TVP23A: variants seen among roughly 807,000 people sequenced by gnomAD.
TVP23A encodes trans-golgi network vesicle protein 23 homolog A, also known as Golgi apparatus membrane protein TVP23 homolog A.
Under a neutral mutation model 31.7 loss-of-function variants are expected in TVP23A, and 21 were observed. That is an observed-to-expected ratio of 0.66 (90% CI 0.47 to 0.95). The LOEUF (loss-of-function observed/expected upper bound fraction) is 0.95. Among genes scored for constraint, TVP23A ranks in the 40% least tolerant of loss-of-function variants. The pLI, the probability that TVP23A is intolerant of heterozygous loss-of-function variation, is 0.00. For synonymous variants in TVP23A, 104 were observed against 96.0 expected, an observed-to-expected ratio of 1.08 and a Z score of -0.49; for missense variants, 279 against 255.6, an observed-to-expected ratio of 1.09 and a Z score of -0.62.
chr16:10,798,162 T>A (rs1475552686), intron 2 of TVP23A, among the ~76,000 whole-genome samples: 1 of 151,846 alleles, frequency 6.6e-6, no homozygotes, highest in Non-Finnish European at 1.5e-5. Context: ...GGTTTCACCA[T>A]GTTAGCCAGG....
intron 2 of TVP23A, among the ~76,000 whole-genome samples, chr16:10,781,239 G>C (rs1235582771): frequency 6.6e-6 from 1 of 151,946 alleles, no homozygotes; most frequent in Non-Finnish European, 1.5e-5. Flanking sequence ...TGAGACAGGA[G>C]GATCGCTTGA....
rs561782666 is a variant in TVP23A at position 10,795,268 on chromosome 16, A to T, written c.90-20172T>A. Among the ~76,000 whole-genome samples the T allele has an allele frequency of 1.8e-3, 259 of 141,136 alleles. 1 individual carries two copies. Among genetic ancestry groups the T allele is most frequent in the African/African-American group, 6.6e-3 (244 of 37,008 alleles). The allele number at this position is 141,136 out of a possible 152,430, so 92.6% of individuals were successfully genotyped here. ...ATATGATGCTTTTTTTTTTTTTTTT[A>T]AAGACAGAGTCTCGCTCTGTTGCCC... On this transcript the variant is annotated intron_variant, in intron 2 of 7. Coordinates refer to ENST00000299866, the MANE Select transcript of TVP23A (RefSeq NM_001079512.4).
chr16:10,761,178 G>A, downstream of TVP23A: 1 of 522,838 alleles, frequency 1.9e-6, no homozygotes, highest in Non-Finnish European at 3.5e-6. Context: ...TAGGGATGTA[G>A]GGATGATGGG....
chr16:10,761,551 A>C, exon 9 of TVP23A: 5 of 1,263,180 alleles, frequency 4.0e-6, no homozygotes, highest in Non-Finnish European at 5.7e-6. Flanking sequence ...GCTGCTCTGC[A>C]AACTATTTCT....
Position 10,779,344 on chromosome 16 carries a change from C to T in TVP23A, c.90-4248G>A, listed in dbSNP as rs1293550373. Among the ~76,000 whole-genome samples, 2 of 152,222 alleles carry T rather than the reference C, an allele frequency of 1.3e-5. No individual in the cohort carries two copies. Among genetic ancestry groups the T allele is most frequent in the Non-Finnish European group, 2.9e-5 (2 of 68,040 alleles). On this transcript the variant is annotated intron_variant, in intron 2 of 7. Transcript: ENST00000299866. This position sits in a 1 kb window ranked among gnomAD's most constrained non-coding sequence, Gnocchi z 4.9. ...GCCCAGCCTGTGCCTCTAGCTAATA[C>T]TGTGTGATCTCAGACCAGTTTTCCA...
rs1004019705 is a variant in TVP23A, at chr16:10,768,983, A to G, written c.*119T>C. 3.5e-6 allele frequency: 5 copies of G among 1,446,884 alleles called. No individual in the cohort carries two copies. The highest frequency in any genetic ancestry group is 4.9e-6 in the Non-Finnish European group (5 of 1,029,248). 89.6% of individuals were successfully genotyped at this position (1,446,884 alleles called of 1,614,324 possible). On this transcript the variant is annotated 3_prime_UTR_variant, in exon 8 of 8. Coordinates refer to ENST00000299866, the MANE Select transcript of TVP23A (RefSeq NM_001079512.4). The surrounding 1 kb of genome is among the most constrained non-coding windows in gnomAD (Gnocchi z 4.3). Reference sequence around the variant, plus strand: ...GTCAAAACACAGCCCTCCCCAGCACAGGACAGGGCTGTCAAGGGGTAGACA... The same window carrying G: ...GTCAAAACACAGCCCTCCCCAGCACGGGACAGGGCTGTCAAGGGGTAGACA...
chr16:10,770,372 CG>C, intron 6 of TVP23A, 41 bp from the exon 7 acceptor site: 1 of 1,544,686 alleles, frequency 6.5e-7, no homozygotes, highest in South Asian at 1.2e-5. Flanking sequence ...TGTCCTTACA[CG>C]CGAGTGGGGC....
chr16:10,772,436 C>A (rs1448362374), intron 5 of TVP23A, among the ~76,000 whole-genome samples: 1 of 152,204 alleles, frequency 6.6e-6, no homozygotes, highest in African/African-American at 2.4e-5. Context: ...GTGGCACGAT[C>A]TTGGCTCACT....
chr16:10,765,362 C>A (rs569664611), downstream of TVP23A, among the ~76,000 whole-genome samples: 1 of 148,340 alleles, frequency 6.7e-6, no homozygotes, highest in South Asian at 2.1e-4. This position sits in a 1 kb window ranked among gnomAD's most constrained non-coding sequence, Gnocchi z 4.0. Flanking sequence ...AAAAAATTCA[C>A]CCAGTGTGGT....
chr16:10,792,776 T>C (rs1163897951), intron 2 of TVP23A, among the ~76,000 whole-genome samples: 4 of 152,232 alleles, frequency 2.6e-5, no homozygotes, highest in Non-Finnish European at 5.9e-5. Context: ...GCTTCTTAAT[T>C]CAAAAGACAG....
At chr16:10,770,405 G>C (rs2031494310) in intron 6 of TVP23A, 74 bp from the exon 7 acceptor site, 3 of 1,486,912 alleles carry the variant, frequency 2.0e-6, no homozygotes, top group Non-Finnish European at 9.0e-7. Context: ...TGGAAGGCCA[G>C]AGAAAACCCA....
At chr16:10,786,670 G>A (rs1295865506) in intron 2 of TVP23A, among the ~76,000 whole-genome samples, 1 of 152,078 alleles carries the variant, frequency 6.6e-6, no homozygotes, top group Non-Finnish European at 1.5e-5. Flanking sequence ...GAGTGTGCGG[G>A]GATGGGAGGG....
chr16:10,772,144 T>G (rs761466296), intron 5 of TVP23A, among the ~76,000 whole-genome samples: 38 of 152,266 alleles, frequency 2.5e-4, no homozygotes, highest in Non-Finnish European at 4.6e-4. Flanking sequence ...CAGCCAACAT[T>G]TACTGAGCAT....
chr16:10,783,901 A>G (rs914382788), intron 2 of TVP23A, among the ~76,000 whole-genome samples: 3 of 152,212 alleles, frequency 2.0e-5, no homozygotes, highest in Non-Finnish European at 4.4e-5. Flanking sequence ...TAGAGACAGT[A>G]AAAAGATCAG....
chr16:10,795,551 T>G (rs1056502100), intron 2 of TVP23A, among the ~76,000 whole-genome samples: 2 of 152,044 alleles, frequency 1.3e-5, no homozygotes, highest in East Asian at 3.9e-4. Context: ...GTGCCCGGCC[T>G]ATCTGACACT....
chr16:10,757,733 T>A, downstream of TVP23A: 1 of 954,780 alleles, frequency 1.0e-6, no homozygotes, highest in Non-Finnish European at 1.6e-6. This position sits in a 1 kb window ranked among gnomAD's most constrained non-coding sequence, Gnocchi z 4.1. Flanking sequence ...GAGGCTGAGG[T>A]GGGAGGATTG....
intron 2 of TVP23A, among the ~76,000 whole-genome samples, chr16:10,792,476 C>G (rs1261618280): frequency 6.6e-6 from 1 of 152,220 alleles, no homozygotes; most frequent in East Asian, 1.9e-4. Flanking sequence ...ACCCCACCCC[C>G]AGGCCTCCTG....
At chr16:10,803,315 G>A (rs1483049560) in intron 2 of TVP23A, among the ~76,000 whole-genome samples, 7 of 149,158 alleles carry the variant, frequency 4.7e-5, no homozygotes, top group Non-Finnish European at 8.9e-5. Flanking sequence ...GCAAGACTCC[G>A]TCTCAAAACA....
chr16:10,787,080 G>A (rs936611403), intron 2 of TVP23A, among the ~76,000 whole-genome samples: 3 of 152,120 alleles, frequency 2.0e-5, no homozygotes, highest in Admixed American at 2.0e-4. Context: ...CCTCTCTGAA[G>A]TACAAATGCC....
Sources: allele counts gnomAD v4.1 joint callset (sites outside exome capture counted in the v4.1 genomes callset), GRCh38; gene constraint gnomAD v4.1.1; non-coding constraint Gnocchi (gnomAD v3.1); transcripts MANE v1.5; gene names NCBI Gene and HGNC (gene_info 2026-07-23, HGNC 2026-07-21).